Variants in KIAA1217 observed in about 807,000 individuals in gnomAD.
The protein encoded by KIAA1217 is sickle tail protein homolog.
KIAA1217 carries 88 observed loss-of-function variants against 163.9 expected under a neutral mutation model. The ratio of observed to expected loss-of-function variants is 0.54; its 90% CI spans 0.45 to 0.64. The LOEUF (loss-of-function observed/expected upper bound fraction) is 0.64, where lower values mean the gene tolerates loss of function less well. Among genes scored for constraint, KIAA1217 ranks in the 30% least tolerant of loss-of-function variants. The probability of loss-of-function intolerance (pLI) is 0.00; values close to 1 mark genes in which losing one functional copy is unlikely to be tolerated. For synonymous variants in KIAA1217, 903 were observed against 923.1 expected (o/e 0.98, Z 0.39); for missense variants, 2,372 against 2,475.0 (o/e 0.96, Z 0.88).
At chr10:23,856,720 G>C (rs370231688) in intron 1 of KIAA1217, among the ~76,000 whole-genome samples, 2 of 152,242 alleles carry the variant, frequency 1.3e-5, no homozygotes, top group African/African-American at 2.4e-5. Flanking sequence ...AATGGCAGGC[G>C]CCCCTCCCCC....
chr10:23,934,399 A>T (rs947193337), intron 1 of KIAA1217, among the ~76,000 whole-genome samples: 1 of 150,152 alleles, frequency 6.7e-6, no homozygotes, highest in African/African-American at 2.5e-5. Context: ...GGGTGAGGGG[A>T]GGGAGCTTAG....
intron 2 of KIAA1217, among the ~76,000 whole-genome samples, chr10:24,031,709 G>T (rs1208210507): frequency 6.6e-6 from 1 of 151,736 alleles, no homozygotes; most frequent in Non-Finnish European, 1.5e-5. Flanking sequence ...GTGTGTGGGT[G>T]TGTCAATTCT....
intron 8 of KIAA1217, among the ~76,000 whole-genome samples, chr10:24,497,815 G>T (rs2066997595): frequency 6.6e-6 from 1 of 151,404 alleles, no homozygotes; most frequent in Non-Finnish European, 1.5e-5. Context: ...AATGGACATT[G>T]GAGACTCAGA....
chr10:24,127,595 A>T (rs1357390784), intron 2 of KIAA1217, among the ~76,000 whole-genome samples: 2 of 152,166 alleles, frequency 1.3e-5, no homozygotes, highest in Non-Finnish European at 2.9e-5. Context: ...CAAGATTTTC[A>T]CAATGCACTC....
intron 2 of KIAA1217, among the ~76,000 whole-genome samples, chr10:24,014,544 G>C (rs1169551633): frequency 6.6e-6 from 1 of 152,046 alleles, no homozygotes; most frequent in South Asian, 2.1e-4. Context: ...TGCATACAAG[G>C]ACCCAAAGCA....
At chr10:24,216,853 A>T (rs1030394406) in intron 1 of KIAA1217, among the ~76,000 whole-genome samples, 3 of 150,114 alleles carry the variant, frequency 2.0e-5, no homozygotes, top group Non-Finnish European at 3.0e-5. Context: ...AAGGTAAAAA[A>T]TAAAATAAAA....
intron 2 of KIAA1217, among the ~76,000 whole-genome samples, chr10:24,201,277 C>G (rs1340081353): frequency 6.6e-6 from 1 of 151,962 alleles, no homozygotes; most frequent in African/African-American, 2.4e-5. Flanking sequence ...TCTCAAAAAA[C>G]AAAAAAATTC....
intron 1 of KIAA1217, among the ~76,000 whole-genome samples, chr10:23,815,054 A>C (rs1837252192): frequency 6.6e-6 from 1 of 152,224 alleles, no homozygotes; most frequent in Admixed American, 6.5e-5. Flanking sequence ...CATCTTTCCA[A>C]TGAGTAGATG....
chr10:24,196,368 CTT>C (rs1426855340), intron 2 of KIAA1217, among the ~76,000 whole-genome samples: 1 of 152,212 alleles, frequency 6.6e-6, no homozygotes, highest in Middle Eastern at 3.2e-3. Flanking sequence ...AGTAATCAAT[CTT>C]GGGAAATTTT....
intron 15 of KIAA1217, 98 bp from the exon 16 acceptor site, chr10:24,532,972 G>A: frequency 5.9e-6 from 6 of 1,020,936 alleles, no homozygotes; most frequent in Non-Finnish European, 8.2e-6. Context: ...GATCTAGGAA[G>A]CAAGTGTTCT....
chr10:24,295,421 T>C (rs1477525563), intron 2 of KIAA1217, among the ~76,000 whole-genome samples: 2 of 152,240 alleles, frequency 1.3e-5, no homozygotes, highest in Admixed American at 1.3e-4. Flanking sequence ...CAAAGATTTA[T>C]GACTGTGTCT....
chr10:23,736,197 G>C (rs7909219), intron 1 of KIAA1217, among the ~76,000 whole-genome samples: 2 of 152,062 alleles, frequency 1.3e-5, no homozygotes, highest in Non-Finnish European at 2.9e-5. Context: ...GTCTGAGACT[G>C]TAATGACATT....
chr10:24,008,158 TTAGATAGATAGATAGA>T lies in KIAA1217; in HGVS notation c.-171+818_-171+833del, dbSNP rs60229610. On this transcript the variant is annotated intron_variant, in intron 2 of 18. Coordinates refer to the KIAA1217 transcript ENST00000376462. ...ATTTAATCCATAGGAAGGTAGGAAA[TTAGATAGATAGATAGA>T]TAGATAGATAGATAGATAGATAGAT... Among the ~76,000 whole-genome samples, 823 of 148,364 alleles carry T rather than the reference TTAGATAGATAGATAGA, an allele frequency of 5.5e-3. 1 individual carries two copies. Among genetic ancestry groups the T allele is most frequent in the South Asian group, 0.018 (81 of 4,556 alleles).
intron 2 of KIAA1217, among the ~76,000 whole-genome samples, chr10:24,239,501 T>C (rs1218789824): frequency 6.6e-6 from 1 of 151,764 alleles, no homozygotes; most frequent in Non-Finnish European, 1.5e-5. Context: ...AGGGCTTTTT[T>C]TTTTTTTTTT....
intron 1 of KIAA1217, among the ~76,000 whole-genome samples, chr10:23,949,444 C>T (rs1026179013): frequency 2.6e-5 from 4 of 152,082 alleles, no homozygotes; most frequent in South Asian, 2.1e-4. Flanking sequence ...GTGTGACATA[C>T]GCATGGTGAG....
intron 1 of KIAA1217, among the ~76,000 whole-genome samples, chr10:23,709,289 C>T (rs1234413715): frequency 3.3e-5 from 5 of 151,948 alleles, no homozygotes; most frequent in African/African-American, 9.7e-5. Flanking sequence ...TTTGGGAGGC[C>T]GAGGTGGGCG....
At chr10:24,378,540 C>G (rs776183585) in intron 2 of KIAA1217, among the ~76,000 whole-genome samples, 27 of 152,202 alleles carry the variant, frequency 1.8e-4, no homozygotes, top group Non-Finnish European at 3.2e-4. Flanking sequence ...CTTTTGCCCC[C>G]ATATAGACCT....
chr10:23,749,365 T>C (rs1048865779), intron 1 of KIAA1217, among the ~76,000 whole-genome samples: 3 of 152,198 alleles, frequency 2.0e-5, no homozygotes, highest in African/African-American at 7.2e-5. Context: ...CCCTTTGTTC[T>C]CTGCCATCTT....
intron 2 of KIAA1217, among the ~76,000 whole-genome samples, chr10:24,127,347 A>C (rs1348112927): frequency 1.3e-5 from 2 of 152,150 alleles, no homozygotes; most frequent in African/African-American, 4.8e-5. Context: ...CTACCTTGAA[A>C]AAATTTTCAG....
Sources: gnomAD v4.1 joint callset for allele counts (sites outside exome capture counted in the v4.1 genomes callset) on GRCh38, gnomAD v4.1.1 for gene constraint, MANE v1.5 for transcripts, NCBI Gene and HGNC (gene_info 2026-07-23, HGNC 2026-07-21) for gene names.